KLHL24: variants seen among roughly 807,000 people sequenced by gnomAD.
KLHL24 encodes kelch like family member 24.
KLHL24 carries 29 observed loss-of-function variants against 53.4 expected under a neutral mutation model. The observed-to-expected ratio is 0.54, with a 90% CI of 0.40 to 0.74. The LOEUF is 0.74. KLHL24 is among the 30% of genes least tolerant of loss of function. The probability of loss-of-function intolerance (pLI) is 0.00; values close to 1 mark genes in which losing one functional copy is unlikely to be tolerated. For synonymous variants in KLHL24, 222 were observed against 253.7 expected (o/e 0.88, Z 1.19); for missense variants, 504 against 744.0 (o/e 0.68, Z 3.75).
At chr3:183,636,270 G>A (rs1266064112) in intron 1 of KLHL24, 1 of 152,306 alleles carries the variant, frequency 6.6e-6, no homozygotes, top group African/African-American at 2.4e-5. Flanking sequence ...TTGTTTGGTG[G>A]GACGACCGTC....
intron 1 of KLHL24, among the ~76,000 whole-genome samples, chr3:183,638,950 C>G (rs1715834532): frequency 1.3e-5 from 2 of 152,272 alleles, no homozygotes; most frequent in South Asian, 4.1e-4. Flanking sequence ...CCTGTAATCT[C>G]AGTACTTTCG....
intron 7 of KLHL24, among the ~76,000 whole-genome samples, chr3:183,676,206 C>T (rs1162978910): frequency 3.9e-5 from 6 of 152,210 alleles, no homozygotes; most frequent in East Asian, 1.9e-4. Context: ...AGTGATTCTC[C>T]TGCCTCAGTC....
intron 3 of KLHL24, among the ~76,000 whole-genome samples, chr3:183,654,935 G>A (rs1488031351): frequency 6.6e-6 from 1 of 152,160 alleles, no homozygotes; most frequent in Non-Finnish European, 1.5e-5. Flanking sequence ...ATAATATATT[G>A]CATCATATTA....
intron 3 of KLHL24, among the ~76,000 whole-genome samples, chr3:183,652,736 A>G (rs1328361090): frequency 6.6e-6 from 1 of 152,244 alleles, no homozygotes; most frequent in East Asian, 1.9e-4. Flanking sequence ...ATTAATTAAG[A>G]AAACTAAACA....
At chr3:183,646,967 G>A (rs1334218688) in intron 2 of KLHL24, among the ~76,000 whole-genome samples, 2 of 140,844 alleles carry the variant, frequency 1.4e-5, no homozygotes, top group East Asian at 4.3e-4. Flanking sequence ...CTGCCACCAC[G>A]CCCAGCTAAT....
At chr3:183,640,881 T>G (rs1013332031) in intron 1 of KLHL24, among the ~76,000 whole-genome samples, 54 of 152,172 alleles carry the variant, frequency 3.5e-4, no homozygotes, top group Admixed American at 2.2e-3. Context: ...ACTGCAGGCG[T>G]GAGCCACCTC....
At position 183,683,650 on chromosome 3, in the gene KLHL24, T is replaced by C. The variant is rs1712914617; in HGVS notation, c.*4364T>C. The C allele has an allele frequency of 6.5e-6, 1 of 152,768 alleles. No homozygotes were observed. The highest frequency in any genetic ancestry group is 2.1e-4 in the South Asian group (1 of 4,832). The allele number at this position is 152,768 out of a possible 1,614,324, so 9.5% of individuals were successfully genotyped here. A position where few individuals can be genotyped will look rare whatever the true frequency, so the allele number is the denominator to read the frequency against. On this transcript the variant is annotated 3_prime_UTR_variant, in exon 8 of 8. Coordinates refer to ENST00000242810, the MANE Select transcript of KLHL24 (RefSeq NM_017644.3). ...TACATTTGTGTGATTGCCTTAGATA[T>C]TAAATTTTCCTAGTGCTGATAAAAA... is the stretch of plus-strand genomic sequence containing the variant.
intron 7 of KLHL24, 121 bp from the exon 8 acceptor site, chr3:183,678,964 CT>C: frequency 1.3e-6 from 1 of 747,268 alleles, no homozygotes; most frequent in African/African-American, 1.8e-5. Context: ...GCCAAAGGAC[CT>C]TAGCTTTTAT....
chr3:183,656,983 GC>G (rs1560166285), intron 3 of KLHL24, among the ~76,000 whole-genome samples: 2 of 150,760 alleles, frequency 1.3e-5, no homozygotes, highest in African/African-American at 4.9e-5. Context: ...TCCATTTCTT[GC>G]CCCTGCTTTA....
intron 7 of KLHL24, among the ~76,000 whole-genome samples, chr3:183,676,624 G>A (rs750740843): frequency 1.3e-5 from 2 of 152,022 alleles, no homozygotes; most frequent in Non-Finnish European, 1.5e-5. Flanking sequence ...TTCTCTGTTT[G>A]TCCTTCACCA....
chr3:183,676,925 C>A, intron 7 of KLHL24, among the ~76,000 whole-genome samples: 1 of 112,460 alleles, frequency 8.9e-6, no homozygotes, highest in African/African-American at 3.4e-5. Context: ...TTTTTTTTTT[C>A]TTTGCAATGT....
chr3:183,683,719 G>T lies in KLHL24; in HGVS notation c.*4433G>T, dbSNP rs1394851984. On this transcript the variant is annotated 3_prime_UTR_variant, in exon 8 of 8. Coordinates refer to ENST00000242810, the MANE Select transcript of KLHL24 (RefSeq NM_017644.3). ...ATTTTATATATTGTTCCAAAGAAAA[G>T]AATTTGTTTTAATGGTTTCAAAATA... 5 of 152,570 alleles carry T rather than the reference G, an allele frequency of 3.3e-5. No homozygotes were observed. The highest frequency in any genetic ancestry group is 4.8e-5 in the African/African-American group (2 of 41,442). The allele number at this position is 152,570 out of a possible 1,614,324, so 9.5% of individuals were successfully genotyped here.
chr3:183,662,939 T>A (rs1720009973), intron 3 of KLHL24, among the ~76,000 whole-genome samples: 1 of 152,236 alleles, frequency 6.6e-6, no homozygotes, highest in Admixed American at 6.5e-5. Flanking sequence ...TACCTTAATT[T>A]ACTTGACTTT....
At position 183,668,414 on chromosome 3, in the gene KLHL24, T is replaced by C. The variant is rs531845865; in HGVS notation, c.1225-2620T>C. Among the ~76,000 whole-genome samples the C allele has an allele frequency of 2.6e-5, 4 of 152,314 alleles. No homozygotes were observed. The East Asian group carries it at 7.7e-4, about 29-fold the overall frequency. On this transcript the variant is annotated intron_variant, in intron 5 of 7. Coordinates refer to ENST00000242810, the MANE Select transcript of KLHL24 (RefSeq NM_017644.3). ...ATCAATAAAGAAAAGGAATCATTCC[T>C]ACCTTACACAGCAAGTACTCAATTC...
At chr3:183,640,348 T>C (rs75478152) in intron 1 of KLHL24, among the ~76,000 whole-genome samples, 2,212 of 152,314 alleles carry the variant, frequency 0.015, 53 homozygotes, top group African/African-American at 0.05. Flanking sequence ...TTTCCTGTGA[T>C]TTAAGAGACA....
chr3:183,639,669 G>A (rs1247912044), intron 1 of KLHL24, among the ~76,000 whole-genome samples: 2 of 147,438 alleles, frequency 1.4e-5, no homozygotes, highest in Non-Finnish European at 3.0e-5. Context: ...AATTTGTTCA[G>A]GTGGCAGAGC....
At chr3:183,669,628 T>TG (rs974649810) in intron 5 of KLHL24, among the ~76,000 whole-genome samples, 15 of 152,170 alleles carry the variant, frequency 9.9e-5, no homozygotes, top group Admixed American at 3.3e-4. Context: ...TGTGGAAATT[T>TG]GGGGGTGCAC....
Position 183,650,343 on chromosome 3 carries a change from C to T in KLHL24, c.-14C>T, listed in dbSNP as rs564693871. On this transcript the variant is annotated 5_prime_UTR_variant, in exon 3 of 8. Transcript: ENST00000242810. This position sits in a 1 kb window ranked among gnomAD's most constrained non-coding sequence, Gnocchi z 4.5. ...AGTCATTTCTCAACAATTATATAGTCAACTGATGTAACAATGGTACTAATA... is the reference window on the plus strand; with the variant it reads ...AGTCATTTCTCAACAATTATATAGTTAACTGATGTAACAATGGTACTAATA... The T allele has an allele frequency of 1.3e-5, 21 of 1,595,918 alleles. No homozygotes were observed. The highest frequency in any genetic ancestry group is 1.7e-5 in the Non-Finnish European group (20 of 1,166,882).
intron 5 of KLHL24, among the ~76,000 whole-genome samples, chr3:183,667,678 G>A (rs1163297702): frequency 6.6e-6 from 1 of 151,934 alleles, no homozygotes; most frequent in African/African-American, 2.4e-5. Context: ...AAAAGGTTGG[G>A]GACTGCTGCG....
Sources: gnomAD v4.1 joint callset for allele counts (sites outside exome capture counted in the v4.1 genomes callset) on GRCh38, gnomAD v4.1.1 for gene constraint, Gnocchi (gnomAD v3.1) non-coding constraint, MANE v1.5 for transcripts, NCBI Gene and HGNC (gene_info 2026-07-23, HGNC 2026-07-21) for gene names.